The following FASTKD5 variants were observed in gnomAD, a reference collection of about 807,000 sequenced individuals.
FASTKD5 encodes FAST kinase domains 5.
In FASTKD5, 30 loss-of-function variants were observed where a neutral mutation model predicts 44.0. The ratio of observed to expected loss-of-function variants is 0.68; its 90% CI spans 0.51 to 0.93. FASTKD5 has a LOEUF of 0.93. Among genes scored for constraint, FASTKD5 ranks in the 40% least tolerant of loss-of-function variants. The pLI is 0.00. For missense variants in FASTKD5, 868 were observed against 908.2 expected (o/e 0.96, Z 0.57); for synonymous variants, 335 against 342.2 (o/e 0.98, Z 0.23).
In FASTKD5 at chr20:3,147,192, C is replaced by T. The variant is rs1568481036; in HGVS notation, c.1879G>A (p.Asp627Asn). The T allele has an allele frequency of 1.9e-6, 3 of 1,614,172 alleles. No homozygotes were observed. Among genetic ancestry groups the T allele is most frequent in the Non-Finnish European group, 2.5e-6 (3 of 1,180,052 alleles). ...TTTAGTAACTTATTCATCAAATCAT[C>T]TGTAAGGCTGACTCCCACATGCTCA... is the stretch of plus-strand genomic sequence containing the variant. ...RLEHVGVSLT[D>N]DLMNKLLKGK... The change falls in exon 2 of 2, where the codon GAT (aspartate) becomes AAT (asparagine). Residue 627 changes from aspartate to asparagine, a missense_variant. Coordinates refer to ENST00000380266, the MANE Select transcript of FASTKD5 (RefSeq NM_021826.5).
In FASTKD5 at chr20:3,147,093, T is replaced by C; in HGVS notation, c.1978A>G (p.Lys660Glu). The C allele has an allele frequency of 6.2e-7, 1 of 1,614,120 alleles. No individual in the cohort carries two copies. Among genetic ancestry groups the C allele is most frequent in the Non-Finnish European group, 8.5e-7 (1 of 1,180,046 alleles). Residue 660 changes from lysine to glutamate, a missense_variant, in exon 2 of 2, where the codon AAG becomes GAG. Lys to Glu is a moderately conservative substitution (Grantham distance 56). Transcript: ENST00000380266. Reference protein sequence around the residue: ...PGQQPMELENKAAVPLGGFLC... With the variant: ...PGQQPMELENEAAVPLGGFLC... ...AAGCCCCCCAGAGGTACAGCTGCCT[T>C]ATTCTCCAACTCCATGGGCTGCTGC...
At position 3,148,747 on chromosome 20, in the gene FASTKD5, C is replaced by T. The variant is rs1229222714; in HGVS notation, c.324G>A (p.Val108=). 3 of 1,614,114 alleles carry T rather than the reference C, an allele frequency of 1.9e-6. No homozygotes were observed. The highest frequency in any genetic ancestry group is 3.3e-5 in the Admixed American group (2 of 60,006). The change falls in exon 2 of 2, where the codon GTG becomes GTA. Residue 108 remains valine (V), a synonymous_variant. Transcript: ENST00000380266. The stretch of plus-strand genomic sequence containing the variant: ...CTCGCATGTTTTCAAAGGAATCAAA[C>T]ACTTCTACGTCCTCTTCATCAACTC... ...ATGVDEEDVE[V]FDSFENMRVF...
rs373759979 is a variant in FASTKD5, at chr20:3,147,147, A to T, written c.1924T>A (p.Phe642Ile). 1.2e-6 allele frequency: 2 copies of T among 1,613,830 alleles called. No individual in the cohort carries two copies. The highest frequency in any genetic ancestry group is 1.1e-5 in the South Asian group (1 of 91,080). The change falls in exon 2 of 2, where the codon TTC becomes ATC. Residue 642 changes from phenylalanine to isoleucine, a missense_variant. Coordinates refer to ENST00000380266, the MANE Select transcript of FASTKD5 (RefSeq NM_021826.5). ...KLLKGKARGH[F>I]QGKTESEPGQ... ...GGCTCTGACTCAGTTTTGCCCTGGAAATGTCCTCTTGCTTTCCCTTTTAGT... is the reference window on the plus strand; with the variant it reads ...GGCTCTGACTCAGTTTTGCCCTGGATATGTCCTCTTGCTTTCCCTTTTAGT...
At chr20:3,152,807 G>A (rs1330094592) in intron 1 of FASTKD5, among the ~76,000 whole-genome samples, 1 of 151,914 alleles carries the variant, frequency 6.6e-6, no homozygotes, top group East Asian at 1.9e-4. Context: ...TTGAGAGGCT[G>A]AGGCAGGAGA....
chr20:3,155,049 T>C (rs1240498129), intron 1 of FASTKD5, among the ~76,000 whole-genome samples: 1 of 52,000 alleles, frequency 1.9e-5, no homozygotes, highest in African/African-American at 1.4e-4. Context: ...CAAGACACAG[T>C]CTCAAAAAAA....
chr20:3,156,645 C>T (rs2066689191), intron 1 of FASTKD5: 1 of 152,330 alleles, frequency 6.6e-6, no homozygotes, highest in African/African-American at 2.4e-5. Context: ...GCCCAAACCT[C>T]CCTGAATGAT....
rs1008212334 is a variant in FASTKD5 at position 3,154,712 on chromosome 20, T to A, written c.-191+5054A>T. Among the ~76,000 whole-genome samples the A allele has an allele frequency of 4.6e-5, 7 of 152,142 alleles. No individual in the cohort carries two copies. In the East Asian group the frequency reaches 1.3e-3, roughly 29 times the overall value. On this transcript the variant is annotated intron_variant, in intron 1 of 1. Coordinates refer to ENST00000380266, the MANE Select transcript of FASTKD5 (RefSeq NM_021826.5). ...ATAAATAAAAAGAGTAAAGAAAATATTAGTATATCATACTCCCTATTCAGT... is the reference window on the plus strand; with the variant it reads ...ATAAATAAAAAGAGTAAAGAAAATAATAGTATATCATACTCCCTATTCAGT...
At chr20:3,153,486 A>G (rs1316555149) in intron 1 of FASTKD5, among the ~76,000 whole-genome samples, 1 of 152,266 alleles carries the variant, frequency 6.6e-6, no homozygotes, top group African/African-American at 2.4e-5. Context: ...GAAACCTGCC[A>G]AAAGTTACAC....
At chr20:3,158,776 G>C (rs2066716646) in intron 1 of FASTKD5, among the ~76,000 whole-genome samples, 1 of 152,196 alleles carries the variant, frequency 6.6e-6, no homozygotes, top group Non-Finnish European at 1.5e-5. Flanking sequence ...GTCCGGCCCA[G>C]ATTTTATTTT....
chr20:3,146,625 T>TA lies in FASTKD5; in HGVS notation c.*150dup. ...AACTACATTACAATTCACAGTAACATACACTAGCTCTAACCTGCCTTGGAT... is the reference window on the plus strand; with the variant it reads ...AACTACATTACAATTCACAGTAACATAACACTAGCTCTAACCTGCCTTGGAT... On this transcript the variant is annotated 3_prime_UTR_variant, in exon 2 of 2. Transcript: ENST00000380266. 1 of 822,504 alleles carries TA rather than the reference T, an allele frequency of 1.2e-6. No homozygotes were observed. Among genetic ancestry groups the TA allele is most frequent in the South Asian group, 1.7e-5 (1 of 57,814 alleles). The allele number at this position is 822,504 out of a possible 1,614,324, so 51.0% of individuals were successfully genotyped here.
intron 1 of FASTKD5, among the ~76,000 whole-genome samples, chr20:3,154,380 A>G (rs973203998): frequency 6.6e-6 from 1 of 152,256 alleles, no homozygotes; most frequent in Admixed American, 6.5e-5. Context: ...AAGTTATACA[A>G]GATAGAATAT....
At position 3,146,951 on chromosome 20, in the gene FASTKD5, T is replaced by C. The variant is rs369345081; in HGVS notation, c.2120A>G (p.Tyr707Cys). Reference protein sequence around the residue: ...LAVQFTNRNQYCYGSRDLLGL... With the variant: ...LAVQFTNRNQCCYGSRDLLGL... Reference sequence around the variant, plus strand: ...AAGGAGATCCCTGGAGCCATAGCAATACTGGTTCCTGTTTGTGAACTGAAC... The same window carrying C: ...AAGGAGATCCCTGGAGCCATAGCAACACTGGTTCCTGTTTGTGAACTGAAC... The change falls in exon 2 of 2, where the codon TAT becomes TGT. Residue 707 changes from tyrosine to cysteine, a missense_variant. By Grantham distance (194) the Tyr-to-Cys change is radical. Transcript: ENST00000380266. The C allele has an allele frequency of 1.2e-6, 2 of 1,614,172 alleles. No homozygotes were observed. The highest frequency in any genetic ancestry group is 1.1e-5 in the South Asian group (1 of 91,080).
In FASTKD5 at chr20:3,156,235, G is replaced by A. The variant is rs142128690; in HGVS notation, c.-191+3531C>T. ...CTGTTGCCCAGGCTGGAGTGCAGTG[G>A]CGTGATCTCAGCTCACTGCAACCTC... On this transcript the variant is annotated intron_variant, in intron 1 of 1. Transcript: ENST00000380266. 6.3e-3 allele frequency among the ~76,000 whole-genome samples: 954 copies of A among 150,542 alleles called. 4 individuals are homozygous for A. Among genetic ancestry groups the A allele is most frequent in the Middle Eastern group, 0.027 (8 of 292 alleles).
Position 3,146,796 on chromosome 20 carries a change from CT to C in FASTKD5, c.2274del (p.Val759TyrfsTer41). Reference protein sequence around the residue: ...RLEKLAFLHEKVFTSAL With the variant: ...RLEKLAFLHEXVFTSAL ...GCCCTTCAGAGAGCAGAGGTGAATA[CT>C]TTCTCATGAAGAAACGCCAACTTTT... On this transcript the variant is annotated frameshift_variant, in exon 2 of 2. Coordinates refer to ENST00000380266, the MANE Select transcript of FASTKD5 (RefSeq NM_021826.5). LOFTEE classifies it high-confidence loss of function. 1 of 1,613,962 alleles carries C rather than the reference CT, an allele frequency of 6.2e-7. No individual in the cohort carries two copies. Among genetic ancestry groups the C allele is most frequent in the Non-Finnish European group, 8.5e-7 (1 of 1,179,890 alleles).
rs1181546302 is a variant in FASTKD5, at chr20:3,151,047, AGTGTGTGTTTGT to A, written c.-190-1799_-190-1788del. ...CAGGTGCACACCACCAAACCCAGTT[AGTGTGTGTTTGT>A]GTGTGTGTTTGTGTGTGTGTGTGTG... On this transcript the variant is annotated intron_variant, in intron 1 of 1. Transcript: ENST00000380266. Among the ~76,000 whole-genome samples, 570 of 152,012 alleles carry A rather than the reference AGTGTGTGTTTGT, an allele frequency of 3.7e-3. 4 individuals are homozygous for A. Among genetic ancestry groups the A allele is most frequent in the African/African-American group, 0.012 (487 of 41,484 alleles).
intron 1 of FASTKD5, among the ~76,000 whole-genome samples, chr20:3,152,354 G>A (rs1329401664): frequency 1.3e-5 from 2 of 151,626 alleles, no homozygotes; most frequent in East Asian, 1.9e-4. Context: ...GGTGGTGGGC[G>A]CCTGCAATTG....
chr20:3,148,786 T>C lies in FASTKD5; in HGVS notation c.285A>G (p.Ser95=), dbSNP rs779099840. The C allele has an allele frequency of 1.2e-6, 2 of 1,614,236 alleles. No individual in the cohort carries two copies. The highest frequency in any genetic ancestry group is 2.2e-5 in the South Asian group (2 of 91,080). Residue 95 remains serine, a synonymous_variant, in exon 2 of 2, where the codon TCA becomes TCG. Transcript: ENST00000380266. ...SSKASTLQLG[S]PRATGVDEED... ...CTTCATCAACTCCTGTGGCCCTGGG[T>C]GAGCCCAGCTGCAATGTACTGGCCT...
chr20:3,146,546 GT>G lies in FASTKD5; in HGVS notation c.*229del. 2.0e-6 allele frequency: 1 copy of G among 498,944 alleles called. No homozygotes were observed. The highest frequency in any genetic ancestry group is 3.5e-6 in the Non-Finnish European group (1 of 285,972). 30.9% of individuals were successfully genotyped at this position (498,944 alleles called of 1,614,324 possible). On this transcript the variant is annotated 3_prime_UTR_variant, in exon 2 of 2. Transcript: ENST00000380266. ...ACTTGACCGTAGGACATATTAAGAT[GT>G]TTATTATTTACTAAGAGTAACATGT...
In FASTKD5 at chr20:3,149,075, G is replaced by A; in HGVS notation, c.-5C>T. Reference sequence around the variant, plus strand: ...TGACTTGAGAGTAGCTGCCATTCTGGTGTCAGTATTGATCTCTTTGGCAGT... The same window carrying A: ...TGACTTGAGAGTAGCTGCCATTCTGATGTCAGTATTGATCTCTTTGGCAGT... On this transcript the variant is annotated 5_prime_UTR_variant, in exon 2 of 2. Coordinates refer to ENST00000380266, the MANE Select transcript of FASTKD5 (RefSeq NM_021826.5). The surrounding 1 kb of genome is among the most constrained non-coding windows in gnomAD (Gnocchi z 4.1). The A allele has an allele frequency of 1.9e-6, 3 of 1,604,670 alleles. No individual in the cohort carries two copies. Among genetic ancestry groups the A allele is most frequent in the Non-Finnish European group, 2.6e-6 (3 of 1,175,082 alleles).
Sources: gnomAD v4.1 joint callset for allele counts (sites outside exome capture counted in the v4.1 genomes callset) on GRCh38, gnomAD v4.1.1 for gene constraint, Gnocchi (gnomAD v3.1) non-coding constraint, MANE v1.5 for transcripts, NCBI Gene and HGNC (gene_info 2026-07-23, HGNC 2026-07-21) for gene names.